Variants in ERI3 observed in about 807,000 individuals in gnomAD.
ERI3 encodes ERI1 exoribonuclease 3.
ERI3 carries 18 observed loss-of-function variants against 44.4 expected under a neutral mutation model. The ratio of observed to expected loss-of-function variants is 0.41; its 90% CI spans 0.28 to 0.60. The LOEUF (loss-of-function observed/expected upper bound fraction) is 0.60. Among genes scored for constraint, ERI3 ranks in the 20% least tolerant of loss-of-function variants. ERI3 has a pLI of 0.36. For missense variants in ERI3, 294 were observed against 435.5 expected, an observed-to-expected ratio of 0.68 and a Z score of 2.89; for synonymous variants, 183 against 164.8, an observed-to-expected ratio of 1.11 and a Z score of -0.84.
In ERI3 at chr1:44,221,501, G is replaced by A. The variant is rs1393211124; in HGVS notation, c.*57C>T. 3 of 1,399,818 alleles carry A rather than the reference G, an allele frequency of 2.1e-6. No individual in the cohort carries two copies. The highest frequency in any genetic ancestry group is 3.0e-6 in the Non-Finnish European group (3 of 986,192). The allele number at this position is 1,399,818 out of a possible 1,614,324, so 86.7% of individuals were successfully genotyped here. ...TCTTCCCCTCTGGTGAGGGAGAGGAGGATTCTGGGCTGGGCCAAACAGCTA... is the reference window on the plus strand; with the variant it reads ...TCTTCCCCTCTGGTGAGGGAGAGGAAGATTCTGGGCTGGGCCAAACAGCTA... On this transcript the variant is annotated 3_prime_UTR_variant, in exon 9 of 9. Coordinates refer to ENST00000372257, the MANE Select transcript of ERI3 (RefSeq NM_024066.3). This position sits in a 1 kb window ranked among gnomAD's most constrained non-coding sequence, Gnocchi z 5.9.
rs1644272979 is a variant in ERI3, at chr1:44,235,053, TA to T, written c.931+12885del. 6.6e-6 allele frequency among the ~76,000 whole-genome samples: 1 copy of T among 152,164 alleles called. No individual in the cohort carries two copies. On this transcript the variant is annotated intron_variant, in intron 8 of 8. Coordinates refer to ENST00000372257, the MANE Select transcript of ERI3 (RefSeq NM_024066.3). The surrounding 1 kb of genome is among the most constrained non-coding windows in gnomAD (Gnocchi z 4.6). ...CTACAAATGTAAAATTAATTCAAAGTAAAAAGTTTAAGAGTCAAAAATTAAA... is the reference window on the plus strand; with the variant it reads ...CTACAAATGTAAAATTAATTCAAAGTAAAAGTTTAAGAGTCAAAAATTAAA...
intron 8 of ERI3, chr1:44,242,213 C>T: frequency 2.2e-6 from 2 of 925,300 alleles, no homozygotes; most frequent in Non-Finnish European, 2.6e-6. Flanking sequence ...TCTGCCCTTC[C>T]CCACAAGGCA....
intron 3 of ERI3, among the ~76,000 whole-genome samples, chr1:44,329,817 A>G (rs954902234): frequency 6.6e-6 from 1 of 152,148 alleles, no homozygotes; most frequent in Non-Finnish European, 1.5e-5. Context: ...CCCCATTTAC[A>G]ACAACTATAG....
At chr1:44,345,980 A>T (rs370055652) in intron 2 of ERI3, among the ~76,000 whole-genome samples, 20 of 152,240 alleles carry the variant, frequency 1.3e-4, no homozygotes, top group East Asian at 9.6e-4. Context: ...GCAGTCTCAC[A>T]GAAGAGGCCA....
At chr1:44,322,811 C>A (rs1233368920) in intron 3 of ERI3, 3 of 1,550,024 alleles carry the variant, frequency 1.9e-6, no homozygotes, top group Non-Finnish European at 2.6e-6. Flanking sequence ...AGAGGTGCCC[C>A]AATCTGCACC....
At chr1:44,298,379 G>A (rs964301049) in intron 6 of ERI3, among the ~76,000 whole-genome samples, 1 of 152,164 alleles carries the variant, frequency 6.6e-6, no homozygotes, top group Non-Finnish European at 1.5e-5. Context: ...TTGAAAGGGT[G>A]AGGGGGATTG....
intron 8 of ERI3, among the ~76,000 whole-genome samples, chr1:44,223,557 C>T (rs919771189): frequency 6.6e-6 from 1 of 152,158 alleles, no homozygotes; most frequent in Non-Finnish European, 1.5e-5. Flanking sequence ...TAAGTCCCCT[C>T]GTTATCTGCA....
chr1:44,284,967 T>G, intron 6 of ERI3, 60 bp from the exon 7 acceptor site: 1 of 1,426,190 alleles, frequency 7.0e-7, no homozygotes, highest in Non-Finnish European at 9.9e-7. Flanking sequence ...GTATGAAGTC[T>G]TAAGATGGGA....
rs576975098 is a variant in ERI3, at chr1:44,355,136, G to C, written c.-110C>G. The C allele has an allele frequency of 7.3e-6, 9 of 1,226,964 alleles. No homozygotes were observed. The highest frequency in any genetic ancestry group is 8.2e-6 in the Non-Finnish European group (8 of 980,140). 76.0% of individuals were successfully genotyped at this position (1,226,964 alleles called of 1,614,324 possible). ...AGGGCAGTTGGCGGCGGCGGGCGCGGCCCGCGCCGACTGCGGCGCCGGCCA... is the reference window on the plus strand; with the variant it reads ...AGGGCAGTTGGCGGCGGCGGGCGCGCCCCGCGCCGACTGCGGCGCCGGCCA... On this transcript the variant is annotated 5_prime_UTR_variant, in exon 1 of 9. Coordinates refer to ENST00000372257, the MANE Select transcript of ERI3 (RefSeq NM_024066.3).
intron 7 of ERI3, among the ~76,000 whole-genome samples, chr1:44,261,869 G>C (rs553727212): frequency 6.6e-6 from 1 of 152,322 alleles, no homozygotes; most frequent in African/African-American, 2.4e-5. Context: ...GACAGGGCTG[G>C]GAATGGGTGT....
chr1:44,304,533 C>T (rs1317856340), intron 6 of ERI3, among the ~76,000 whole-genome samples: 2 of 152,168 alleles, frequency 1.3e-5, no homozygotes, highest in African/African-American at 4.8e-5. Context: ...TCAGCCCGAC[C>T]CGCAGCAAGC....
chr1:44,255,326 G>A (rs1644759237), intron 7 of ERI3, among the ~76,000 whole-genome samples: 1 of 152,126 alleles, frequency 6.6e-6, no homozygotes, highest in East Asian at 1.9e-4. Flanking sequence ...ACCTGCCTTC[G>A]CCATTTTGCA....
At chr1:44,312,248 C>A (rs1288400540) in intron 5 of ERI3, among the ~76,000 whole-genome samples, 1 of 152,238 alleles carries the variant, frequency 6.6e-6, no homozygotes, top group Non-Finnish European at 1.5e-5. Flanking sequence ...GCTATTCCTG[C>A]AGATACTCTG....
At chr1:44,334,708 C>G (rs79521527) in intron 3 of ERI3, among the ~76,000 whole-genome samples, 1,846 of 152,342 alleles carry the variant, frequency 0.012, 71 homozygotes, top group East Asian at 0.069. Context: ...AAGCCAACCA[C>G]TCCAGTTTCA....
At chr1:44,237,522 T>C (rs1448409910) in intron 8 of ERI3, among the ~76,000 whole-genome samples, 2 of 152,222 alleles carry the variant, frequency 1.3e-5, no homozygotes, top group Non-Finnish European at 2.9e-5. Flanking sequence ...CCATAGTGAA[T>C]GACTTACCTA....
Position 44,228,694 on chromosome 1 carries a change from G to C in ERI3, c.932-7054C>G, listed in dbSNP as rs752600719. ...GCCACTTGGGGGCAGTGGGGTGGAGGGGGGGATGTGCCTGGCCGGGAGGGC... is the reference window on the plus strand; with the variant it reads ...GCCACTTGGGGGCAGTGGGGTGGAGCGGGGGATGTGCCTGGCCGGGAGGGC... On this transcript the variant is annotated intron_variant, in intron 8 of 8. Coordinates refer to ENST00000372257, the MANE Select transcript of ERI3 (RefSeq NM_024066.3). The surrounding 1 kb of genome is among the most constrained non-coding windows in gnomAD (Gnocchi z 4.3). Among the ~76,000 whole-genome samples the C allele has an allele frequency of 1.3e-5, 2 of 152,168 alleles. No individual in the cohort carries two copies. Among genetic ancestry groups the C allele is most frequent in the South Asian group, 2.1e-4 (1 of 4,822 alleles).
chr1:44,346,039 A>G (rs1401095492), intron 2 of ERI3, among the ~76,000 whole-genome samples: 1 of 152,232 alleles, frequency 6.6e-6, no homozygotes, highest in African/African-American at 2.4e-5. Context: ...GGTTGAAGAC[A>G]AAACAAAGCT....
chr1:44,311,605 G>C (rs1442923001), intron 5 of ERI3, among the ~76,000 whole-genome samples: 1 of 152,054 alleles, frequency 6.6e-6, no homozygotes, highest in Non-Finnish European at 1.5e-5. Flanking sequence ...GTTAACAGGG[G>C]GTTGCCTCCT....
chr1:44,244,582 T>C (rs1644512936), intron 8 of ERI3, among the ~76,000 whole-genome samples: 1 of 152,124 alleles, frequency 6.6e-6, no homozygotes, highest in African/African-American at 2.4e-5. Flanking sequence ...TTTTACCTGG[T>C]GTCCTACCTC....
Sources: allele counts gnomAD v4.1 joint callset (sites outside exome capture counted in the v4.1 genomes callset), GRCh38; gene constraint gnomAD v4.1.1; non-coding constraint Gnocchi (gnomAD v3.1); transcripts MANE v1.5; gene names NCBI Gene and HGNC (gene_info 2026-07-23, HGNC 2026-07-21).